The following ARIH2 variants were observed in gnomAD, a reference collection of about 807,000 sequenced individuals.
The protein encoded by ARIH2 is E3 ubiquitin-protein ligase ARIH2.
In ARIH2, 12 loss-of-function variants were observed where a neutral mutation model predicts 79.8. That is an observed-to-expected ratio of 0.15 (90% confidence interval 0.10 to 0.24). The LOEUF is 0.24. Among genes scored for constraint, ARIH2 ranks in the 10% least tolerant of loss-of-function variants. ARIH2 has a pLI of 1.00. For synonymous variants in ARIH2, 224 were observed against 213.9 expected, an observed-to-expected ratio of 1.05 and a Z score of -0.41; for missense variants, 301 against 618.3, an observed-to-expected ratio of 0.49 and a Z score of 5.44.
chr3:48,958,779 C>T (rs1215800797), intron 3 of ARIH2, among the ~76,000 whole-genome samples: 1 of 152,024 alleles, frequency 6.6e-6, no homozygotes, highest in East Asian at 1.9e-4. Flanking sequence ...CGGGAGGAGG[C>T]TGAGGCAGGC....
chr3:48,934,812 A>G, intron 3 of ARIH2: 1 of 985,438 alleles, frequency 1.0e-6, no homozygotes, highest in South Asian at 4.7e-5. Flanking sequence ...TGTACCTGAT[A>G]CCATACAAAA....
intron 11 of ARIH2, among the ~76,000 whole-genome samples, chr3:48,976,567 T>G (rs1248205656): frequency 1.3e-5 from 2 of 152,138 alleles, no homozygotes; most frequent in Non-Finnish European, 2.9e-5. Context: ...CAACATTGAC[T>G]CTGCAGTGCC....
intron 5 of ARIH2, 134 bp from the exon 6 acceptor site, chr3:48,966,991 C>T: frequency 1.1e-6 from 1 of 947,670 alleles, no homozygotes; most frequent in Non-Finnish European, 1.6e-6. Context: ...GACTCAGAGT[C>T]CACACATTGC....
intron 3 of ARIH2, among the ~76,000 whole-genome samples, chr3:48,931,316 C>T (rs1050112110): frequency 5.3e-5 from 8 of 152,104 alleles, no homozygotes; most frequent in Admixed American, 3.3e-4. Context: ...GAGGCCGAGG[C>T]GGGTGGATCA....
intron 4 of ARIH2, among the ~76,000 whole-genome samples, chr3:48,962,594 CT>C (rs916184501): frequency 2.6e-5 from 4 of 152,146 alleles, no homozygotes; most frequent in African/African-American, 9.7e-5. Context: ...GCGTGTGCCC[CT>C]GTCTAGCACA....
intron 1 of ARIH2, among the ~76,000 whole-genome samples, chr3:48,919,820 G>GT (rs2106746823): frequency 6.6e-6 from 1 of 152,288 alleles, no homozygotes; most frequent in East Asian, 1.9e-4. Context: ...CTTCGGAGGT[G>GT]TAGTTAGTAA....
At chr3:48,967,103 A>G in intron 5 of ARIH2, 22 bp from the exon 6 acceptor site, 1 of 1,611,646 alleles carries the variant, frequency 6.2e-7, no homozygotes, top group Non-Finnish European at 8.5e-7. Flanking sequence ...TCTTTGGCTC[A>G]TGTGGCTCTG....
At chr3:48,980,906 A>G (rs1363781916) in intron 13 of ARIH2, among the ~76,000 whole-genome samples, 1 of 148,672 alleles carries the variant, frequency 6.7e-6, no homozygotes, top group East Asian at 2.0e-4. Context: ...CTGTAGTTCC[A>G]GCTACTTGGG....
chr3:48,960,466 A>C (rs1489536354), intron 3 of ARIH2, among the ~76,000 whole-genome samples: 4 of 151,896 alleles, frequency 2.6e-5, no homozygotes, highest in Non-Finnish European at 4.4e-5. Flanking sequence ...TAAAAAAAAA[A>C]AAAACAAAAA....
chr3:48,949,947 A>T (rs531962597), intron 3 of ARIH2, among the ~76,000 whole-genome samples: 7 of 151,724 alleles, frequency 4.6e-5, no homozygotes, highest in Non-Finnish European at 8.8e-5. Context: ...TTCTTTTTTT[A>T]AAAAATTTTT....
chr3:48,957,318 G>A (rs2107484441), intron 3 of ARIH2, among the ~76,000 whole-genome samples: 1 of 152,306 alleles, frequency 6.6e-6, no homozygotes, highest in South Asian at 2.1e-4. Context: ...AAACCTTCTT[G>A]ACCTTTCTAA....
chr3:48,961,825 C>T (rs2091294843), intron 4 of ARIH2, 146 bp downstream of exon 4: 2 of 577,184 alleles, frequency 3.5e-6, no homozygotes, highest in Non-Finnish European at 6.2e-6. Context: ...ACATCCTCTT[C>T]TCTTAATATG....
In ARIH2 at chr3:48,918,920, G is replaced by C. The variant is rs772544492; in HGVS notation, c.-240G>C. The stretch of plus-strand genomic sequence containing the variant: ...GGCCCGCCGCCTCCGCTGCCGCTTC[G>C]CCCCAATCCGGTCCCTCTGGCCCGG... On this transcript the variant is annotated 5_prime_UTR_variant, in exon 1 of 16. Coordinates refer to ENST00000356401, the MANE Select transcript of ARIH2 (RefSeq NM_006321.4). 2.9e-5 allele frequency: 47 copies of C among 1,596,490 alleles called. No individual in the cohort carries two copies. The highest frequency in any genetic ancestry group is 3.7e-5 in the Non-Finnish European group (44 of 1,175,386).
intron 3 of ARIH2, chr3:48,934,639 T>C (rs1266929745): frequency 1.0e-6 from 1 of 985,316 alleles, no homozygotes; most frequent in Non-Finnish European, 1.2e-6. Flanking sequence ...TTAACATGTT[T>C]CACAGTGTTT....
chr3:48,950,069 A>C (rs1159356074), intron 3 of ARIH2, among the ~76,000 whole-genome samples: 2 of 152,088 alleles, frequency 1.3e-5, no homozygotes, highest in Non-Finnish European at 2.9e-5. Context: ...TTTTACATTT[A>C]GATATGTGAA....
At chr3:48,982,818 A>C (rs1253227989) in intron 14 of ARIH2, 78 bp from the exon 15 acceptor site, 1 of 1,009,860 alleles carries the variant, frequency 9.9e-7, no homozygotes, top group African/African-American at 1.6e-5. Flanking sequence ...GAGGTGCTGC[A>C]TGTGCCCACC....
intron 2 of ARIH2, 154 bp from the exon 3 acceptor site, chr3:48,927,308 G>T (rs1035584615): frequency 4.4e-6 from 2 of 458,382 alleles, no homozygotes; most frequent in South Asian, 2.5e-5. Flanking sequence ...GCCTGGGCCA[G>T]GGGGATGATA....
At chr3:48,966,374 A>G (rs759087676) in intron 5 of ARIH2, among the ~76,000 whole-genome samples, 1 of 152,108 alleles carries the variant, frequency 6.6e-6, no homozygotes, top group African/African-American at 2.4e-5. Flanking sequence ...GGACTTTTCC[A>G]TTGGTTTGTG....
chr3:48,948,008 T>C (rs2107341525), intron 3 of ARIH2, among the ~76,000 whole-genome samples: 1 of 152,312 alleles, frequency 6.6e-6, no homozygotes, highest in African/African-American at 2.4e-5. Flanking sequence ...TCACCCAGGC[T>C]AGAGTGCAGT....
Sources: allele counts gnomAD v4.1 joint callset (sites outside exome capture counted in the v4.1 genomes callset), GRCh38; gene constraint gnomAD v4.1.1; transcripts MANE v1.5; gene names NCBI Gene and HGNC (gene_info 2026-07-23, HGNC 2026-07-21).